The following COL14A1 variants were observed in gnomAD, a reference collection of about 807,000 sequenced individuals.
COL14A1 encodes collagen type XIV alpha 1 chain.
A neutral mutation model predicts 230.3 loss-of-function variants in COL14A1; 136 were observed. That is an observed-to-expected ratio of 0.59 (90% CI 0.51 to 0.68). COL14A1 has a LOEUF of 0.68. Among genes scored for constraint, COL14A1 ranks in the 30% least tolerant of loss-of-function variants. The probability of loss-of-function intolerance (pLI) is 0.00; values close to 1 mark genes in which losing one functional copy is unlikely to be tolerated. For synonymous variants in COL14A1, 792 were observed against 784.1 expected (o/e 1.01, Z -0.17); for missense variants, 1,976 against 2,215.8 (o/e 0.89, Z 2.17).
chr8:120,208,863 TAC>T (rs1178725808), intron 11 of COL14A1, among the ~76,000 whole-genome samples: 1 of 152,074 alleles, frequency 6.6e-6, no homozygotes, highest in Non-Finnish European at 1.5e-5. Context: ...ACACACATAA[TAC>T]ACACACGCAC....
At chr8:120,250,509 A>G (rs1818902681) in intron 21 of COL14A1, 108 bp from the exon 22 acceptor site, 2 of 1,204,634 alleles carry the variant, frequency 1.7e-6, no homozygotes, top group East Asian at 2.4e-5. Context: ...TGCTTGCTGT[A>G]TAATCCCAGG....
At chr8:120,300,860 A>G in intron 36 of COL14A1, 42 bp downstream of exon 36, 1 of 1,435,522 alleles carries the variant, frequency 7.0e-7, no homozygotes, top group Non-Finnish European at 9.8e-7. Context: ...CTTTAATAAT[A>G]TTAATAGCTA....
chr8:120,289,640 A>C lies in COL14A1; in HGVS notation c.4110A>C (p.Lys1370Asn). Residue 1370 changes from lysine to asparagine, a missense_variant, in exon 34 of 48, where the codon AAA becomes AAC. Transcript: ENST00000297848. ...LHIVVSETLV[K>N]VVIDCKQVGE... is the part of the protein sequence containing the mutation. ...TTGTTGTCAGTGAGACTTTGGTCAA[A>C]GTGGTTATTGACTGCAAGCAAGTGG... 1 of 1,614,038 alleles carries C rather than the reference A, an allele frequency of 6.2e-7. No homozygotes were observed. The highest frequency in any genetic ancestry group is 8.5e-7 in the Non-Finnish European group (1 of 1,179,964).
intron 5 of COL14A1, among the ~76,000 whole-genome samples, chr8:120,181,900 C>G (rs979384145): frequency 3.9e-5 from 6 of 152,022 alleles, no homozygotes; most frequent in Non-Finnish European, 8.8e-5. Flanking sequence ...TGCAGTAAGC[C>G]GAGATGGCAC....
Position 120,272,379 on chromosome 8 carries a change from A to G in COL14A1, c.3213+2205A>G, listed in dbSNP as rs113126410. ...AAACTCATAGGGCCTATAAAACAAT[A>G]ACACAATGAAGAAAACAAAGTACTT... On this transcript the variant is annotated intron_variant, in intron 26 of 47. Coordinates refer to ENST00000297848, the MANE Select transcript of COL14A1 (RefSeq NM_021110.4). Among the ~76,000 whole-genome samples, 626 of 151,876 alleles carry G rather than the reference A, an allele frequency of 4.1e-3. 3 individuals carry two copies. Among genetic ancestry groups the G allele is most frequent in the African/African-American group, 0.014 (569 of 41,506 alleles).
At chr8:120,284,508 A>G (rs1820137189) in intron 32 of COL14A1, among the ~76,000 whole-genome samples, 1 of 152,216 alleles carries the variant, frequency 6.6e-6, no homozygotes, top group African/African-American at 2.4e-5. Flanking sequence ...TTAGGATTCC[A>G]ATGAACCTAG....
chr8:120,183,701 C>T (rs1346141414), intron 5 of COL14A1, among the ~76,000 whole-genome samples: 2 of 152,268 alleles, frequency 1.3e-5, no homozygotes, highest in East Asian at 1.9e-4. Flanking sequence ...AATGTTGTTT[C>T]GGCTGTGGCA....
At chr8:120,239,001 G>A (rs1193585334) in intron 19 of COL14A1, among the ~76,000 whole-genome samples, 3 of 152,176 alleles carry the variant, frequency 2.0e-5, no homozygotes, top group Admixed American at 6.5e-5. Context: ...GAAATCACCC[G>A]CCTTCTGCAT....
At chr8:120,168,466 A>ATG (rs1815989459) in intron 5 of COL14A1, among the ~76,000 whole-genome samples, 1 of 152,114 alleles carries the variant, frequency 6.6e-6, no homozygotes, top group South Asian at 2.1e-4. Flanking sequence ...TGGTGCATAT[A>ATG]TGTACAGCCT....
chr8:120,130,415 TC>T (rs1814489727), intron 1 of COL14A1, among the ~76,000 whole-genome samples: 1 of 152,188 alleles, frequency 6.6e-6, no homozygotes, highest in Non-Finnish European at 1.5e-5. Flanking sequence ...CCTTATTTTT[TC>T]TTTGTTTCCT....
chr8:120,148,108 A>G (rs926662492), intron 2 of COL14A1, among the ~76,000 whole-genome samples, 178 bp downstream of exon 2: 2 of 150,000 alleles, frequency 1.3e-5, no homozygotes, highest in Non-Finnish European at 3.0e-5. Context: ...GTGACTGAGC[A>G]TAGTGATTTT....
chr8:120,274,849 T>C (rs147477167), intron 26 of COL14A1, among the ~76,000 whole-genome samples: 147 of 151,824 alleles, frequency 9.7e-4, no homozygotes, highest in African/African-American at 3.3e-3. Flanking sequence ...AAATCAGAGA[T>C]GACACAAACA....
chr8:120,255,323 A>G lies in COL14A1; in HGVS notation c.2836A>G (p.Thr946Ala), dbSNP rs543397586. 6.2e-6 allele frequency: 10 copies of G among 1,613,986 alleles called. No individual in the cohort carries two copies. Among genetic ancestry groups the G allele is most frequent in the African/African-American group, 2.7e-5 (2 of 74,928 alleles). Residue 946 changes from threonine (T) to alanine (A), a missense_variant, in exon 23 of 48, where the codon ACA becomes GCA. Thr to Ala is a moderately conservative substitution (Grantham distance 58). Around this residue, in one of 3 missense-constraint regions of COL14A1, gnomAD observed 1,791 missense variants for 2,019.5 expected, o/e 0.89. Transcript: ENST00000297848. ...CCACTGGCAGGTACATCGCCATGCC[A>G]CAGCCTATAGGGTTGTTATAGAATC... Reference protein sequence around the residue: ...CAHWQVHRHATAYRVVIESLQ... With the variant: ...CAHWQVHRHAAAYRVVIESLQ...
In COL14A1 at chr8:120,158,138, C is replaced by G; in HGVS notation, c.97C>G (p.Pro33Ala). The change falls in exon 3 of 48, where the codon CCC (proline) becomes GCC (alanine). Residue 33 changes from proline (P) to alanine (A), a missense_variant. Physicochemically the swap from Pro to Ala is conservative, Grantham distance 27. This residue lies in a region of COL14A1 where 181 missense variants were observed against 178.6 expected (regional missense o/e 1.01). Coordinates refer to ENST00000297848, the MANE Select transcript of COL14A1 (RefSeq NM_021110.4). ...TTGTTCTTCCTTTTCAGTGGCTCCA[C>G]CCACAAGGTTAAGATATAATGTAAT... ...CTIVQGQVAP[P>A]TRLRYNVISH... The G allele has an allele frequency of 6.4e-7, 1 of 1,560,224 alleles. No individual in the cohort carries two copies. The highest frequency in any genetic ancestry group is 8.7e-7 in the Non-Finnish European group (1 of 1,145,382).
rs1481810798 is a variant in COL14A1, at chr8:120,372,837, G to T, written c.*1606G>T. ...TGGTGGGGTGGGGCAGGGGCGGGGG[G>T]CGGTTCTAAACAAATCAGTTTTTTT... On this transcript the variant is annotated 3_prime_UTR_variant, in exon 48 of 48. Coordinates refer to ENST00000297848, the MANE Select transcript of COL14A1 (RefSeq NM_021110.4). Among the ~76,000 whole-genome samples, 3 of 152,132 alleles carry T rather than the reference G, an allele frequency of 2.0e-5. No homozygotes were observed. The highest frequency in any genetic ancestry group is 3.9e-4 in the East Asian group (2 of 5,166).
chr8:120,132,838 TA>T (rs1197824689), intron 1 of COL14A1, among the ~76,000 whole-genome samples: 2 of 152,190 alleles, frequency 1.3e-5, no homozygotes, highest in Non-Finnish European at 2.9e-5. Flanking sequence ...TGTTAAAAAG[TA>T]ACCTCTCCAA....
At chr8:120,159,983 C>T (rs1368944369) in intron 3 of COL14A1, among the ~76,000 whole-genome samples, 8 of 152,152 alleles carry the variant, frequency 5.3e-5, no homozygotes, top group South Asian at 2.1e-4. Context: ...TGAGCTATCA[C>T]GCCCAGCCTG....
rs781132164 is a variant in COL14A1, at chr8:120,207,091, C to T, written c.1188C>T (p.Asp396=). The change falls in exon 10 of 48, where the codon GAC becomes GAT. Residue 396 remains aspartate (D), a synonymous_variant. Transcript: ENST00000297848. The part of the protein sequence containing the change: ...VYYPTRGGKP[D]EVVVDGTVSS... ...ATCCTACCAGGGGTGGAAAACCAGACGAGGTAATAAGGAGAGAGTATTTTC... is the reference window on the plus strand; with the variant it reads ...ATCCTACCAGGGGTGGAAAACCAGATGAGGTAATAAGGAGAGAGTATTTTC... The T allele has an allele frequency of 4.5e-5, 72 of 1,610,210 alleles. 1 individual carries two copies. Among genetic ancestry groups the T allele is most frequent in the African/African-American group, 2.0e-4 (15 of 74,696 alleles).
At chr8:120,141,578 G>C (rs1337937069) in intron 1 of COL14A1, among the ~76,000 whole-genome samples, 1 of 151,978 alleles carries the variant, frequency 6.6e-6, no homozygotes, top group Non-Finnish European at 1.5e-5. Flanking sequence ...GAAAAAAAGG[G>C]TTTTAAAGAT....
Sources: gnomAD v4.1 joint callset for allele counts (sites outside exome capture counted in the v4.1 genomes callset) on GRCh38, gnomAD v4.1.1 for gene constraint, gnomAD v4.1.1 regional missense constraint, MANE v1.5 for transcripts, NCBI Gene and HGNC (gene_info 2026-07-23, HGNC 2026-07-21) for gene names.